Variants in SPNS2 observed in about 807,000 individuals in gnomAD.
SPNS2 encodes SPNS lysolipid transporter 2, sphingosine-1-phosphate.
In SPNS2, 37 loss-of-function variants were observed where a neutral mutation model predicts 57.6. The ratio of observed to expected loss-of-function variants is 0.64; its 90% CI spans 0.49 to 0.85. The LOEUF is 0.85. SPNS2 is among the 40% of genes least tolerant of loss of function. SPNS2 has a pLI of 0.00. For missense variants in SPNS2, 831 were observed against 779.1 expected, an observed-to-expected ratio of 1.07 and a Z score of -0.79; for synonymous variants, 440 against 346.9, an observed-to-expected ratio of 1.27 and a Z score of -2.98.
intron 9 of SPNS2, among the ~76,000 whole-genome samples, chr17:4,534,800 C>T (rs554976035): frequency 0.017 from 2,487 of 148,610 alleles, 67 homozygotes; most frequent in African/African-American, 0.062. Flanking sequence ...GGTCACTGCA[C>T]AGGCCCAGAG....
In SPNS2 at chr17:4,536,283, G is replaced by C; in HGVS notation, c.1464G>C (p.Gln488His). The C allele has an allele frequency of 6.2e-7, 1 of 1,612,602 alleles. No individual in the cohort carries two copies. The highest frequency in any genetic ancestry group is 1.3e-5 in the African/African-American group (1 of 75,040). ...CGCAGATCTCAGACCTGATCCGCCAGAGCACTAAGGACTCCCCGCTCTGGG... is the reference window on the plus strand; with the variant it reads ...CGCAGATCTCAGACCTGATCCGCCACAGCACTAAGGACTCCCCGCTCTGGG... Reference protein sequence around the residue: ...LIGFISDLIRQSTKDSPLWEF... With the variant: ...LIGFISDLIRHSTKDSPLWEF... Residue 488 changes from glutamine to histidine, a missense_variant, in exon 11 of 13, where the codon CAG becomes CAC. Physicochemically the swap from Gln to His is conservative, Grantham distance 24. This residue lies in a region of SPNS2 where 526 missense variants were observed against 400.9 expected (regional missense o/e 1.31). Coordinates refer to ENST00000329078, the MANE Select transcript of SPNS2 (RefSeq NM_001124758.3).
In SPNS2 at chr17:4,498,943, G is replaced by T; in HGVS notation, c.-105G>T. On this transcript the variant is annotated 5_prime_UTR_variant, in exon 1 of 13. Transcript: ENST00000329078. The stretch of plus-strand genomic sequence containing the variant: ...CGGAGCGCAGGAGCCGACGGGGCCC[G>T]ACCAGGATGGTGCAGTGGCGGCTCC... 1 of 686,180 alleles carries T rather than the reference G, an allele frequency of 1.5e-6. No individual in the cohort carries two copies. Among genetic ancestry groups the T allele is most frequent in the South Asian group, 6.5e-5 (1 of 15,480 alleles). The allele number at this position is 686,180 out of a possible 1,614,324, so 42.5% of individuals were successfully genotyped here.
chr17:4,537,684 TAGGTTTGGGCCGC>T lies in SPNS2; in HGVS notation c.*240_*252del, dbSNP rs1314864672. 1 of 456,588 alleles carries T rather than the reference TAGGTTTGGGCCGC, an allele frequency of 2.2e-6. No homozygotes were observed. Among genetic ancestry groups the T allele is most frequent in the Non-Finnish European group, 4.4e-6 (1 of 226,964 alleles). 28.3% of individuals were successfully genotyped at this position (456,588 alleles called of 1,614,324 possible). On this transcript the variant is annotated 3_prime_UTR_variant, in exon 13 of 13. Transcript: ENST00000329078. ...ACACGGTTGGACAGGTTCCCAGCCC[TAGGTTTGGGCCGC>T]AGGGCCCCTGGGGCCAAGGAAGAAG...
At chr17:4,525,325 G>T in intron 3 of SPNS2, 132 bp downstream of exon 3, 1 of 1,292,376 alleles carries the variant, frequency 7.7e-7, no homozygotes, top group Non-Finnish European at 1.1e-6. Flanking sequence ...TGTCTTCCCA[G>T]TGCAGAAGGA....
chr17:4,511,045 T>C lies in SPNS2; in HGVS notation c.371-2202T>C, dbSNP rs977597353. Among the ~76,000 whole-genome samples the C allele has an allele frequency of 1.3e-5, 2 of 152,252 alleles. No homozygotes were observed. The highest frequency in any genetic ancestry group is 2.4e-5 in the African/African-American group (1 of 41,464). ...CAGCACAGATAGTGAGGACAGCGTC[T>C]GTACCATCTTCAAAGCCTCACGCAG... is the stretch of plus-strand genomic sequence containing the variant. On this transcript the variant is annotated intron_variant, in intron 1 of 12. Coordinates refer to ENST00000329078, the MANE Select transcript of SPNS2 (RefSeq NM_001124758.3). This position sits in a 1 kb window ranked among gnomAD's most constrained non-coding sequence, Gnocchi z 4.6.
At position 4,525,082 on chromosome 17, in the gene SPNS2, T is replaced by G. The variant is rs150893268; in HGVS notation, c.462T>G (p.Ala154=). Residue 154 remains alanine, a synonymous_variant, in exon 3 of 13, where the codon GCT becomes GCG. Coordinates refer to ENST00000329078, the MANE Select transcript of SPNS2 (RefSeq NM_001124758.3). ...QSVFICSFMV[A]APIFGYLGDR... is the part of the protein sequence containing the mutation. ...TGTTCATCTGTAGCTTCATGGTGGC[T>G]GCCCCCATCTTCGGCTACCTGGGCG... 156 of 1,614,222 alleles carry G rather than the reference T, an allele frequency of 9.7e-5. No individual in the cohort carries two copies. In the Middle Eastern group the frequency reaches 1.2e-3, roughly 12 times the overall value.
At chr17:4,529,651 A>G (rs1004710351) in intron 3 of SPNS2, among the ~76,000 whole-genome samples, 3 of 151,886 alleles carry the variant, frequency 2.0e-5, no homozygotes, top group African/African-American at 7.3e-5. Flanking sequence ...AGCCTGAGTG[A>G]CAGAGGAAGA....
chr17:4,513,179 G>A (rs1276911559), intron 1 of SPNS2, 68 bp from the exon 2 acceptor site: 1 of 1,550,844 alleles, frequency 6.4e-7, no homozygotes, highest in Non-Finnish European at 8.9e-7. Flanking sequence ...CGGGAAAGAG[G>A]CTGGGCTGGT....
At chr17:4,506,481 G>C (rs1904681466) in intron 1 of SPNS2, among the ~76,000 whole-genome samples, 1 of 152,184 alleles carries the variant, frequency 6.6e-6, no homozygotes, top group East Asian at 1.9e-4. Flanking sequence ...GGCTGAGCTG[G>C]GGAAGGAGTA....
Position 4,512,537 on chromosome 17 carries a change from C to T in SPNS2, c.371-710C>T, listed in dbSNP as rs529543287. On this transcript the variant is annotated intron_variant, in intron 1 of 12. Coordinates refer to ENST00000329078, the MANE Select transcript of SPNS2 (RefSeq NM_001124758.3). The surrounding 1 kb of genome is among the most constrained non-coding windows in gnomAD (Gnocchi z 5.2). ...AAGAAATCCACTTCTCCCAAGAAAA[C>T]GGGCCTGGAGCCCCGCCTGCTTCCC... Among the ~76,000 whole-genome samples, 6 of 152,170 alleles carry T rather than the reference C, an allele frequency of 3.9e-5. No individual in the cohort carries two copies. The highest frequency in any genetic ancestry group is 7.4e-5 in the Non-Finnish European group (5 of 67,998).
intron 2 of SPNS2, among the ~76,000 whole-genome samples, chr17:4,516,350 AACC>A (rs1904994749): frequency 1.4e-5 from 1 of 73,352 alleles, no homozygotes. Flanking sequence ...AAAACAAAAA[AACC>A]GCTCATAGGT....
intron 2 of SPNS2, among the ~76,000 whole-genome samples, chr17:4,519,850 G>A (rs1319102187): frequency 2.0e-5 from 3 of 152,300 alleles, no homozygotes; most frequent in Middle Eastern, 3.4e-3. Context: ...GCAAGGCTTC[G>A]CCTATCCTGT....
chr17:4,501,439 G>A (rs927780931), intron 1 of SPNS2, among the ~76,000 whole-genome samples: 1 of 152,148 alleles, frequency 6.6e-6, no homozygotes, highest in Non-Finnish European at 1.5e-5. Flanking sequence ...AATTGGTAAA[G>A]GGAGGTGGGG....
chr17:4,533,143 G>T lies in SPNS2; in HGVS notation c.1088+14G>T. On this transcript the variant is annotated intron_variant, in intron 7 of 12. Coordinates refer to ENST00000329078, the MANE Select transcript of SPNS2 (RefSeq NM_001124758.3). ...GGCCAAGGACAGGTGGGGCCCCGCG[G>T]GGTGGGCCCAGGGCTGGTGAGGGAC... The T allele has an allele frequency of 1.2e-6, 2 of 1,601,690 alleles. No homozygotes were observed. The highest frequency in any genetic ancestry group is 2.2e-5 in the East Asian group (1 of 44,600).
intron 3 of SPNS2, among the ~76,000 whole-genome samples, chr17:4,529,087 C>T (rs1258712793): frequency 2.6e-5 from 4 of 151,888 alleles, no homozygotes; most frequent in Non-Finnish European, 5.9e-5. Context: ...AGGCACCCGC[C>T]AACACACCCG....
chr17:4,517,849 T>C (rs750878729), intron 2 of SPNS2, among the ~76,000 whole-genome samples: 1 of 151,992 alleles, frequency 6.6e-6, no homozygotes, highest in Non-Finnish European at 1.5e-5. Flanking sequence ...AACCGGAAAA[T>C]GTTTAAAAGA....
At chr17:4,515,461 G>A (rs894420201) in intron 2 of SPNS2, among the ~76,000 whole-genome samples, 3 of 152,148 alleles carry the variant, frequency 2.0e-5, no homozygotes, top group Non-Finnish European at 2.9e-5. Context: ...TCCCCAGGGC[G>A]GGTGCCTCTG....
intron 9 of SPNS2, among the ~76,000 whole-genome samples, chr17:4,534,617 G>A (rs140818425): frequency 8.5e-4 from 129 of 151,684 alleles, no homozygotes; most frequent in African/African-American, 1.8e-3. Flanking sequence ...CAGGCACTGC[G>A]GCCCCTGCAC....
intron 3 of SPNS2, among the ~76,000 whole-genome samples, chr17:4,525,436 C>T (rs1232079311): frequency 6.6e-6 from 1 of 152,236 alleles, no homozygotes; most frequent in African/African-American, 2.4e-5. Flanking sequence ...CCTCCTGACT[C>T]TTTCTGAGCA....
Sources: gnomAD v4.1 joint callset for allele counts (sites outside exome capture counted in the v4.1 genomes callset) on GRCh38, gnomAD v4.1.1 for gene constraint, gnomAD v4.1.1 regional missense constraint, Gnocchi (gnomAD v3.1) non-coding constraint, MANE v1.5 for transcripts, NCBI Gene and HGNC (gene_info 2026-07-23, HGNC 2026-07-21) for gene names.